ANKRD10: variants seen among roughly 807,000 people sequenced by gnomAD.
ANKRD10 encodes the protein ankyrin repeat domain 10.
A neutral mutation model predicts 27.0 loss-of-function variants in ANKRD10; 14 were observed. The ratio of observed to expected loss-of-function variants is 0.52; its 90% CI spans 0.34 to 0.81. ANKRD10 has a LOEUF of 0.81. Among genes scored for constraint, ANKRD10 ranks in the 40% least tolerant of loss-of-function variants. ANKRD10 has a pLI of 0.01. For synonymous variants in ANKRD10, 250 were observed against 224.5 expected, an observed-to-expected ratio of 1.11 and a Z score of -1.01; for missense variants, 493 against 544.0, an observed-to-expected ratio of 0.91 and a Z score of 0.93.
At chr13:110,885,645 T>C (rs561467497) in intron 4 of ANKRD10, among the ~76,000 whole-genome samples, 134 of 152,150 alleles carry the variant, frequency 8.8e-4, no homozygotes, top group African/African-American at 3.2e-3. Context: ...CGTCTCAACC[T>C]CCAGGAGCCT....
At chr13:110,887,826 G>C (rs1401768234) in intron 4 of ANKRD10, among the ~76,000 whole-genome samples, 1 of 152,156 alleles carries the variant, frequency 6.6e-6, no homozygotes, top group Non-Finnish European at 1.5e-5. Context: ...AATGGCCCAG[G>C]ACCCCTCCCG....
chr13:110,904,071 A>AT (rs1243714739), intron 3 of ANKRD10: 2 of 152,244 alleles, frequency 1.3e-5, no homozygotes, highest in Non-Finnish European at 2.9e-5. Context: ...CAAAACTGAC[A>AT]TTTTATCTCG....
intron 3 of ANKRD10, among the ~76,000 whole-genome samples, chr13:110,901,975 T>C (rs561307655): frequency 8.7e-5 from 13 of 148,720 alleles, no homozygotes; most frequent in Non-Finnish European, 1.5e-4. Context: ...CCCAGGAGTT[T>C]GAAGTTGCAG....
intron 4 of ANKRD10, among the ~76,000 whole-genome samples, chr13:110,887,440 T>C (rs2064961396): frequency 6.6e-6 from 1 of 152,202 alleles, no homozygotes; most frequent in Admixed American, 6.5e-5. Context: ...CCACTCATAC[T>C]GACACACAGG....
At chr13:110,892,049 A>G (rs926502235) in intron 4 of ANKRD10, among the ~76,000 whole-genome samples, 1 of 151,358 alleles carries the variant, frequency 6.6e-6, no homozygotes, top group African/African-American at 2.4e-5. Flanking sequence ...TGATTTTCCT[A>G]TAGGAAAGGG....
At chr13:110,892,706 C>A in intron 4 of ANKRD10, 1 of 1,005,346 alleles carries the variant, frequency 9.9e-7, no homozygotes, top group South Asian at 4.6e-5. Flanking sequence ...GGCACAGTGG[C>A]AGATTTTCTT....
In ANKRD10 at chr13:110,894,403, CAAAAAAAAAAAA is replaced by C. The variant is rs5806877; in HGVS notation, c.456-1152_456-1141del. On this transcript the variant is annotated intron_variant, in intron 3 of 5. Coordinates refer to ENST00000267339, the MANE Select transcript of ANKRD10 (RefSeq NM_017664.4). ...GCCTTTCTTGGGGTTACTGTTAATGCAAAAAAAAAAAAAAAAAAAAAAAACCCCGCATTTGAG... is the reference window on the plus strand; with the variant it reads ...GCCTTTCTTGGGGTTACTGTTAATGCAAAAAAAAAAAACCCCGCATTTGAG... 1.1e-4 allele frequency: 7 copies of C among 62,724 alleles called. No homozygotes were observed. In the South Asian group the frequency reaches 2.8e-3, roughly 25 times the overall value. The allele number at this position is 62,724 out of a possible 1,614,324, so 3.9% of individuals were successfully genotyped here. A position where few individuals can be genotyped will look rare whatever the true frequency, so the allele number is the denominator to read the frequency against.
chr13:110,893,324 T>C, intron 3 of ANKRD10, 61 bp from the exon 4 acceptor site: 5 of 1,513,832 alleles, frequency 3.3e-6, no homozygotes, highest in Non-Finnish European at 4.5e-6. Flanking sequence ...TCTCTGCTCC[T>C]GCTGAACTGA....
intron 3 of ANKRD10, among the ~76,000 whole-genome samples, chr13:110,896,020 T>C (rs576058745): frequency 2.6e-5 from 4 of 152,302 alleles, no homozygotes; most frequent in Admixed American, 2.0e-4. Context: ...GGCCCAATCA[T>C]GCTATGTACT....
Position 110,914,537 on chromosome 13 carries a change from C to A in ANKRD10, c.210+188G>T, listed in dbSNP as rs1025354385. 5 of 790,422 alleles carry A rather than the reference C, an allele frequency of 6.3e-6. No individual in the cohort carries two copies. The South Asian group carries it at 3.1e-4, about 50-fold the overall frequency. The allele number at this position is 790,422 out of a possible 1,614,324, so 49.0% of individuals were successfully genotyped here. A position where few individuals can be genotyped will look rare whatever the true frequency, so the allele number is the denominator to read the frequency against. On this transcript the variant is annotated intron_variant, in intron 1 of 5. Coordinates refer to ENST00000267339, the MANE Select transcript of ANKRD10 (RefSeq NM_017664.4). ...CTTCCGCCCCGCGCCCCCCGGCTGC[C>A]CCGCCGCGACTCCGGGCCGCGAGCG...
Position 110,906,121 on chromosome 13 carries a change from A to C in ANKRD10, c.367T>G (p.Cys123Gly), listed in dbSNP as rs373112151. 6.3e-7 allele frequency: 1 copy of C among 1,596,208 alleles called. No homozygotes were observed. The highest frequency in any genetic ancestry group is 1.1e-5 in the South Asian group (1 of 88,326). ...TTGTGAATGGGAGTTTCACCCTCAC[A>C]ATCCTGAAACAACAAAAAGCAAAAT... ...QAGANINKPDCEGETPIHKAA... is the reference protein window; with the variant it reads ...QAGANINKPDGEGETPIHKAA... The change falls in exon 3 of 6, where the codon TGT (cysteine) becomes GGT (glycine). Residue 123 changes from cysteine to glycine, a missense_variant. Coordinates refer to ENST00000267339, the MANE Select transcript of ANKRD10 (RefSeq NM_017664.4).
At position 110,914,765 on chromosome 13, in the gene ANKRD10, T is replaced by C. The variant is rs2065839035; in HGVS notation, c.170A>G (p.Tyr57Cys). ...HAHLASEDSF[Y>C]GWTPVHWAAH... ...GGCCCAGTGCACGGGCGTCCAGCCA[T>C]AGAAGGAGTCCTCAGAGGCCAGGTG... Residue 57 changes from tyrosine to cysteine, a missense_variant, in exon 1 of 6, where the codon TAT becomes TGT. Transcript: ENST00000267339. The C allele has an allele frequency of 1.9e-6, 3 of 1,598,892 alleles. No individual in the cohort carries two copies. The highest frequency in any genetic ancestry group is 1.1e-5 in the South Asian group (1 of 88,488).
At chr13:110,881,414 C>T (rs2064815288) in intron 5 of ANKRD10, among the ~76,000 whole-genome samples, 1 of 152,174 alleles carries the variant, frequency 6.6e-6, no homozygotes, top group African/African-American at 2.4e-5. Context: ...AATAAAGGAT[C>T]ACGGCTTCTT....
chr13:110,913,891 G>A (rs1471275080), intron 1 of ANKRD10, among the ~76,000 whole-genome samples: 1 of 152,190 alleles, frequency 6.6e-6, no homozygotes, highest in Admixed American at 6.5e-5. Context: ...CACAGATGAG[G>A]AAACGGTAGC....
Position 110,893,059 on chromosome 13 carries a change from T to G in ANKRD10, c.660A>C (p.Glu220Asp), listed in dbSNP as rs1329761071. The G allele has an allele frequency of 1.2e-6, 2 of 1,614,122 alleles. No homozygotes were observed. The highest frequency in any genetic ancestry group is 1.7e-6 in the Non-Finnish European group (2 of 1,180,032). The change falls in exon 4 of 6, where the codon GAA (glutamate) becomes GAC (aspartate). Residue 220 changes from glutamate to aspartate, a missense_variant. Coordinates refer to ENST00000267339, the MANE Select transcript of ANKRD10 (RefSeq NM_017664.4). ...TTCTAGCTTTCTTTACTCCAAAGTCTTCTGAGTCTTCCAAGCATCTCTTTC... is the reference window on the plus strand; with the variant it reads ...TTCTAGCTTTCTTTACTCCAAAGTCGTCTGAGTCTTCCAAGCATCTCTTTC... ...TNRKRCLEDS[E>D]DFGVKKARTE...
intron 3 of ANKRD10, among the ~76,000 whole-genome samples, chr13:110,897,850 G>C (rs569351027): frequency 1.3e-5 from 2 of 152,108 alleles, no homozygotes; most frequent in African/African-American, 4.8e-5. Context: ...CTGCATTCTC[G>C]TCAGCATTTG....
chr13:110,884,061 C>T (rs958851704), intron 4 of ANKRD10, among the ~76,000 whole-genome samples: 1 of 152,042 alleles, frequency 6.6e-6, no homozygotes, highest in Non-Finnish European at 1.5e-5. Context: ...ATTTTCTGGA[C>T]ATTTAGAAGA....
chr13:110,913,690 G>A (rs1425705713), intron 1 of ANKRD10, among the ~76,000 whole-genome samples: 1 of 152,184 alleles, frequency 6.6e-6, no homozygotes, highest in Non-Finnish European at 1.5e-5. Context: ...CCTTCTTAAA[G>A]TAACTTATTT....
Position 110,880,009 on chromosome 13 carries a change from G to C in ANKRD10, c.891C>G (p.Ser297Arg). 6.2e-7 allele frequency: 1 copy of C among 1,614,220 alleles called. No homozygotes were observed. The highest frequency in any genetic ancestry group is 8.5e-7 in the Non-Finnish European group (1 of 1,180,044). ...TTCCTGTCAAGCACTGGCCATTCCT[G>C]CTTTCCATCCCACTGAGCGGGGTCG... ...PSTTPLSGME[S>R]RNGQCLTGTN... Residue 297 changes from serine (S) to arginine (R), a missense_variant, in exon 6 of 6, where the codon AGC becomes AGG. Physicochemically the swap from Ser to Arg is moderately radical, Grantham distance 110. Transcript: ENST00000267339.
Sources: gnomAD v4.1 joint callset for allele counts (sites outside exome capture counted in the v4.1 genomes callset) on GRCh38, gnomAD v4.1.1 for gene constraint, MANE v1.5 for transcripts, NCBI Gene and HGNC (gene_info 2026-07-23, HGNC 2026-07-21) for gene names.